KCNB2: variants seen among roughly 807,000 people sequenced by gnomAD.
KCNB2 encodes delayed rectifier potassium channel protein.
Under a neutral mutation model 61.5 loss-of-function variants are expected in KCNB2, and 15 were observed. The ratio of observed to expected loss-of-function variants is 0.24; its 90% CI spans 0.16 to 0.38. KCNB2 has a LOEUF of 0.38. KCNB2 is among the 10% of genes least tolerant of loss of function. The pLI is 1.00. For synonymous variants in KCNB2, 457 were observed against 446.0 expected, an observed-to-expected ratio of 1.02 and a Z score of -0.31; for missense variants, 828 against 1,125.2, an observed-to-expected ratio of 0.74 and a Z score of 3.78.
intron 2 of KCNB2, among the ~76,000 whole-genome samples, chr8:72,621,818 A>G (rs1486326630): frequency 6.6e-6 from 1 of 152,202 alleles, no homozygotes; most frequent in Admixed American, 6.5e-5. Flanking sequence ...TGATTTCACT[A>G]TCCTTTGAAG....
intron 2 of KCNB2, among the ~76,000 whole-genome samples, chr8:72,849,621 A>G (rs904618061): frequency 6.6e-6 from 1 of 152,230 alleles, no homozygotes; most frequent in Non-Finnish European, 1.5e-5. Flanking sequence ...TTACTTTTAA[A>G]AAAATCTTCC....
chr8:72,754,698 G>A (rs748289392), intron 2 of KCNB2, among the ~76,000 whole-genome samples: 10 of 152,306 alleles, frequency 6.6e-5, no homozygotes, highest in African/African-American at 1.9e-4. Context: ...AACTGTGGTC[G>A]AAAAGTAAAT....
intron 2 of KCNB2, among the ~76,000 whole-genome samples, chr8:72,783,992 C>T (rs1388275849): frequency 6.6e-6 from 1 of 152,116 alleles, no homozygotes; most frequent in Non-Finnish European, 1.5e-5. Flanking sequence ...CCTCCTCAGG[C>T]TGGATACATA....
chr8:72,683,017 A>G (rs1018354526), intron 2 of KCNB2, among the ~76,000 whole-genome samples: 1 of 152,230 alleles, frequency 6.6e-6, no homozygotes, highest in Non-Finnish European at 1.5e-5. Context: ...TTTATCGTGT[A>G]TCTATATAAT....
chr8:72,897,269 G>A (rs902600914), intron 2 of KCNB2, among the ~76,000 whole-genome samples: 7 of 133,590 alleles, frequency 5.2e-5, no homozygotes, highest in Non-Finnish European at 1.1e-4. Flanking sequence ...AAAATCAAGT[G>A]AAAATAAAAA....
At position 72,606,089 on chromosome 8, in the gene KCNB2, T is replaced by C. The variant is rs72668145; in HGVS notation, c.579+37776T>C. Among the ~76,000 whole-genome samples, 615 of 152,340 alleles carry C rather than the reference T, an allele frequency of 4.0e-3. 2 individuals carry two copies. The highest frequency in any genetic ancestry group is 5.9e-3 in the Non-Finnish European group (403 of 68,026). ...GAGTATACAGAATATATTATCTCAT[T>C]AGAATAAGTTAAATTGGTATCATTT... On this transcript the variant is annotated intron_variant, in intron 2 of 2. Coordinates refer to ENST00000523207, the MANE Select transcript of KCNB2 (RefSeq NM_004770.3).
At chr8:72,902,735 G>T (rs1394726666) in intron 2 of KCNB2, among the ~76,000 whole-genome samples, 3 of 152,246 alleles carry the variant, frequency 2.0e-5, no homozygotes, top group Middle Eastern at 3.4e-3. Flanking sequence ...ATGACTTAAG[G>T]ATATTAGTGA....
At chr8:72,540,013 T>C (rs1322457206) in intron 1 of KCNB2, among the ~76,000 whole-genome samples, 1 of 152,172 alleles carries the variant, frequency 6.6e-6, no homozygotes, top group South Asian at 2.1e-4. Context: ...GTCCACGTGT[T>C]TTATATACCT....
intron 2 of KCNB2, among the ~76,000 whole-genome samples, chr8:72,575,905 AT>A (rs1806787460): frequency 6.6e-6 from 1 of 152,216 alleles, no homozygotes; most frequent in African/African-American, 2.4e-5. Flanking sequence ...TAAACAAAAT[AT>A]GTTCATAATT....
intron 2 of KCNB2, chr8:72,660,481 G>C (rs1200250727): frequency 6.6e-6 from 1 of 152,162 alleles, no homozygotes; most frequent in Non-Finnish European, 1.5e-5. Flanking sequence ...TTCCCTGGTG[G>C]TTCTCACAAG....
chr8:72,904,778 A>T (rs1245739142), intron 2 of KCNB2, among the ~76,000 whole-genome samples: 1 of 151,890 alleles, frequency 6.6e-6, no homozygotes, highest in Non-Finnish European at 1.5e-5. Flanking sequence ...TTGAAAATTT[A>T]TTACTCCATA....
intron 2 of KCNB2, among the ~76,000 whole-genome samples, chr8:72,681,936 C>T (rs1806764284): frequency 6.6e-6 from 1 of 152,200 alleles, no homozygotes; most frequent in Non-Finnish European, 1.5e-5. Context: ...CCTGGTCCTT[C>T]AATGAGTGTT....
chr8:72,749,062 C>T (rs1015635318), intron 2 of KCNB2, among the ~76,000 whole-genome samples: 1 of 152,130 alleles, frequency 6.6e-6, no homozygotes, highest in African/African-American at 2.4e-5. Flanking sequence ...TCCAGAACCT[C>T]AGGGTCTTTT....
At chr8:72,549,449 G>C (rs1011684977) in intron 1 of KCNB2, among the ~76,000 whole-genome samples, 41 of 152,220 alleles carry the variant, frequency 2.7e-4, no homozygotes, top group African/African-American at 9.2e-4. Flanking sequence ...CTTGACTCAG[G>C]TGTGACAACA....
intron 2 of KCNB2, among the ~76,000 whole-genome samples, chr8:72,752,426 A>T (rs987864256): frequency 2.0e-5 from 3 of 152,126 alleles, no homozygotes; most frequent in Non-Finnish European, 2.9e-5. Context: ...GCATCATTTA[A>T]CCTATTGAGG....
chr8:72,803,282 C>T (rs556675955), intron 2 of KCNB2, among the ~76,000 whole-genome samples: 13 of 152,212 alleles, frequency 8.5e-5, no homozygotes, highest in African/African-American at 3.1e-4. Flanking sequence ...AGCAGTCCAC[C>T]CTCCATAACT....
chr8:72,936,289 C>T lies in KCNB2; in HGVS notation c.934C>T (p.Leu312=), dbSNP rs1806902562. Residue 312 remains leucine, a synonymous_variant, in exon 3 of 3, where the codon CTG becomes TTG. Transcript: ENST00000523207. This position sits in a 1 kb window ranked among gnomAD's most constrained non-coding sequence, Gnocchi z 5.6. ...IFRIMRILRI[L]KLARHSTGLQ... Reference sequence around the variant, plus strand: ...CCGAATCATGCGCATCCTCAGGATCCTGAAACTCGCCAGGCATTCGACAGG... The same window carrying T: ...CCGAATCATGCGCATCCTCAGGATCTTGAAACTCGCCAGGCATTCGACAGG... 2 of 1,614,232 alleles carry T rather than the reference C, an allele frequency of 1.2e-6. No homozygotes were observed. The highest frequency in any genetic ancestry group is 1.7e-6 in the Non-Finnish European group (2 of 1,180,028).
chr8:72,805,688 G>T (rs1563390506), intron 2 of KCNB2, among the ~76,000 whole-genome samples: 5 of 152,074 alleles, frequency 3.3e-5, no homozygotes. Context: ...TTTCAGTCTG[G>T]TTTTTTAAAT....
intron 2 of KCNB2, among the ~76,000 whole-genome samples, chr8:72,774,937 C>T (rs970608238): frequency 6.6e-6 from 1 of 152,022 alleles, no homozygotes; most frequent in African/African-American, 2.4e-5. Flanking sequence ...GTTTGCATTA[C>T]AAAGAGAAAG....
Sources: allele counts gnomAD v4.1 joint callset (sites outside exome capture counted in the v4.1 genomes callset), GRCh38; gene constraint gnomAD v4.1.1; non-coding constraint Gnocchi (gnomAD v3.1); transcripts MANE v1.5; gene names NCBI Gene and HGNC (gene_info 2026-07-23, HGNC 2026-07-21).